GPC6: variants seen among roughly 807,000 people sequenced by gnomAD.
GPC6 encodes the protein glypican-6.
In GPC6, 14 loss-of-function variants were observed where a neutral mutation model predicts 55.2. The observed-to-expected ratio is 0.25, with a 90% CI of 0.17 to 0.40. GPC6 has a LOEUF of 0.40. GPC6 is among the 10% of genes least tolerant of loss of function. GPC6 has a pLI of 1.00. For missense variants in GPC6, 641 were observed against 708.5 expected (o/e 0.90, Z 1.08); for synonymous variants, 278 against 259.6 (o/e 1.07, Z -0.68).
At chr13:94,034,981 C>A (rs1239003013) in intron 4 of GPC6, among the ~76,000 whole-genome samples, 1 of 151,076 alleles carries the variant, frequency 6.6e-6, no homozygotes, top group Non-Finnish European at 1.5e-5. Context: ...CCTTATCAAG[C>A]TTTTTAATTT....
chr13:94,400,250 C>T (rs976744277), intron 8 of GPC6, among the ~76,000 whole-genome samples: 8 of 152,174 alleles, frequency 5.3e-5, no homozygotes, highest in African/African-American at 1.9e-4. Flanking sequence ...TTGCTTTGAA[C>T]ATTTTTTTAA....
intron 1 of GPC6, among the ~76,000 whole-genome samples, chr13:93,490,191 TTG>T (rs1879910697): frequency 1.3e-5 from 2 of 151,650 alleles, no homozygotes; most frequent in South Asian, 4.2e-4. Context: ...CTGTTGAATT[TTG>T]TCAAAGGCCT....
chr13:94,220,019 G>A (rs1890337196), intron 4 of GPC6, among the ~76,000 whole-genome samples: 1 of 152,182 alleles, frequency 6.6e-6, no homozygotes. Context: ...TTGGGGCTCT[G>A]TAATACCTAA....
chr13:94,096,894 T>A (rs1296656481), intron 4 of GPC6, among the ~76,000 whole-genome samples: 12 of 152,204 alleles, frequency 7.9e-5, no homozygotes, highest in Admixed American at 7.9e-4. Flanking sequence ...TAAGAATTCA[T>A]CTGCTCTTGG....
intron 2 of GPC6, among the ~76,000 whole-genome samples, chr13:93,775,384 A>C (rs1337877121): frequency 6.6e-6 from 1 of 152,192 alleles, no homozygotes; most frequent in African/African-American, 2.4e-5. Flanking sequence ...ACAGGCTTAG[A>C]GTCATCTAGG....
intron 1 of GPC6, among the ~76,000 whole-genome samples, chr13:93,533,872 G>A (rs896579157): frequency 2.5e-4 from 38 of 151,970 alleles, no homozygotes; most frequent in Non-Finnish European, 5.0e-4. Flanking sequence ...ACTTTTTCTT[G>A]GAGACATCCT....
chr13:94,022,977 C>A (rs1882759334), intron 3 of GPC6, among the ~76,000 whole-genome samples: 1 of 152,016 alleles, frequency 6.6e-6, no homozygotes, highest in Admixed American at 6.6e-5. Flanking sequence ...TCAGCTTATT[C>A]TTTGACCCAA....
chr13:93,608,996 A>G (rs1878354955), intron 2 of GPC6, among the ~76,000 whole-genome samples: 1 of 152,202 alleles, frequency 6.6e-6, no homozygotes, highest in African/African-American at 2.4e-5. Flanking sequence ...CTATTGGTAA[A>G]GGCTGACACA....
chr13:93,806,900 C>A (rs1294377502), intron 2 of GPC6, among the ~76,000 whole-genome samples: 9 of 151,648 alleles, frequency 5.9e-5, no homozygotes, highest in Admixed American at 5.9e-4. Flanking sequence ...ATAACATCAA[C>A]ATAAGACAGT....
At chr13:93,455,550 C>G (rs983654312) in intron 1 of GPC6, among the ~76,000 whole-genome samples, 2 of 151,912 alleles carry the variant, frequency 1.3e-5, no homozygotes, top group African/African-American at 4.8e-5. Context: ...TTGGAGAAAT[C>G]ACTCTTTAGC....
At chr13:93,243,578 A>G (rs1347531698) in intron 1 of GPC6, among the ~76,000 whole-genome samples, 1 of 152,110 alleles carries the variant, frequency 6.6e-6, no homozygotes, top group African/African-American at 2.4e-5. Flanking sequence ...ACCAGCTCTG[A>G]TGGGGGTGGC....
At chr13:93,789,091 A>C (rs151217583) in intron 2 of GPC6, among the ~76,000 whole-genome samples, 1 of 151,534 alleles carries the variant, frequency 6.6e-6, no homozygotes, top group Non-Finnish European at 1.5e-5. Flanking sequence ...GATAGCATCA[A>C]GGTGTTTGCT....
chr13:93,945,742 A>G (rs1173973525), intron 3 of GPC6, among the ~76,000 whole-genome samples: 2 of 152,196 alleles, frequency 1.3e-5, no homozygotes, highest in East Asian at 3.9e-4. Context: ...GCCCATTTGT[A>G]TATTCAGTCC....
intron 2 of GPC6, among the ~76,000 whole-genome samples, chr13:93,555,150 A>G (rs1201709107): frequency 6.6e-6 from 1 of 152,212 alleles, no homozygotes; most frequent in Non-Finnish European, 1.5e-5. Context: ...TTTTGAAAGA[A>G]TAGTTCTGTG....
intron 1 of GPC6, among the ~76,000 whole-genome samples, chr13:93,462,074 C>T (rs901584440): frequency 6.6e-6 from 1 of 152,162 alleles, no homozygotes; most frequent in Non-Finnish European, 1.5e-5. Context: ...AATGCCTCAA[C>T]AGCTGTCAAT....
intron 1 of GPC6, among the ~76,000 whole-genome samples, chr13:93,278,809 A>T (rs557020495): frequency 1.4e-4 from 21 of 152,304 alleles, no homozygotes; most frequent in African/African-American, 4.8e-4. Flanking sequence ...TATATGCGGG[A>T]TTCATGCTAA....
intron 3 of GPC6, among the ~76,000 whole-genome samples, chr13:93,970,236 T>C (rs1880225463): frequency 1.3e-5 from 2 of 152,208 alleles, no homozygotes; most frequent in African/African-American, 4.8e-5. Context: ...TGTATACTCA[T>C]AATTAACCTG....
chr13:94,151,039 A>G (rs1887721482), intron 4 of GPC6, among the ~76,000 whole-genome samples: 1 of 151,894 alleles, frequency 6.6e-6, no homozygotes, highest in Admixed American at 6.6e-5. Flanking sequence ...AGCTCATTTT[A>G]TAACATAAGG....
intron 1 of GPC6, among the ~76,000 whole-genome samples, chr13:93,290,826 T>C (rs1426720941): frequency 6.6e-6 from 1 of 152,134 alleles, no homozygotes; most frequent in East Asian, 1.9e-4. Context: ...CCATGAAGAA[T>C]CCATTTGCTA....
Sources: allele counts gnomAD v4.1 joint callset (sites outside exome capture counted in the v4.1 genomes callset), GRCh38; gene constraint gnomAD v4.1.1; transcripts MANE v1.5; gene names NCBI Gene and HGNC (gene_info 2026-07-23, HGNC 2026-07-21).